The following LINGO2 variants were observed in gnomAD, a reference collection of about 807,000 sequenced individuals.
LINGO2 encodes the protein leucine-rich repeat and immunoglobulin-like domain-containing nogo receptor-interacting protein 2.
A neutral mutation model predicts 30.6 loss-of-function variants in LINGO2; 14 were observed. The observed-to-expected ratio is 0.46, with a 90% CI of 0.30 to 0.72. The LOEUF (loss-of-function observed/expected upper bound fraction) is 0.72. Ranked by LOEUF, LINGO2 falls within the 30% of genes least tolerant of loss-of-function variation. The pLI, the probability that LINGO2 is intolerant of heterozygous loss-of-function variation, is 0.07. For missense variants in LINGO2, 729 were observed against 751.7 expected (o/e 0.97, Z 0.35); for synonymous variants, 317 against 288.5 (o/e 1.10, Z -1.00).
chr9:29,191,895 T>C, the LINGO2 span, among the ~76,000 whole-genome samples: 1 of 152,190 alleles, frequency 6.6e-6, no homozygotes, highest in Non-Finnish European at 1.5e-5. Context: ...CTCTTTTCTG[T>C]GGATTTTTTT....
At chr9:28,754,834 T>C in the LINGO2 span, among the ~76,000 whole-genome samples, 1 of 151,880 alleles carries the variant, frequency 6.6e-6, no homozygotes, top group Non-Finnish European at 1.5e-5. Flanking sequence ...GGTTTCACAG[T>C]GTTAGCCAGG....
chr9:28,419,051 C>A (rs1823083213), intron 2 of LINGO2, among the ~76,000 whole-genome samples: 1 of 152,066 alleles, frequency 6.6e-6, no homozygotes, highest in Admixed American at 6.6e-5. Context: ...GTAAATCCCT[C>A]ATAATTAAAG....
At chr9:28,314,580 C>G (rs1047687824) in intron 3 of LINGO2, among the ~76,000 whole-genome samples, 1 of 152,166 alleles carries the variant, frequency 6.6e-6, no homozygotes, top group Non-Finnish European at 1.5e-5. Flanking sequence ...TTTGCCAGAG[C>G]TAGGCTTTTG....
chr9:28,727,558 G>T, the LINGO2 span, among the ~76,000 whole-genome samples: 1 of 152,146 alleles, frequency 6.6e-6, no homozygotes, highest in Admixed American at 6.5e-5. Context: ...AAAGTGCTGG[G>T]ATTACAGGCG....
At chr9:28,964,567 C>T in the LINGO2 span, among the ~76,000 whole-genome samples, 8 of 151,824 alleles carry the variant, frequency 5.3e-5, no homozygotes, top group South Asian at 1.7e-3. Context: ...GAGAAACCAC[C>T]GACGAGTTAC....
At chr9:28,292,847 T>C (rs1209658430) in intron 4 of LINGO2, among the ~76,000 whole-genome samples, 1 of 152,040 alleles carries the variant, frequency 6.6e-6, no homozygotes, top group Non-Finnish European at 1.5e-5. Context: ...CTCGGTTCAC[T>C]GCAAGCTCTG....
chr9:29,034,525 C>T, the LINGO2 span, among the ~76,000 whole-genome samples: 1 of 152,006 alleles, frequency 6.6e-6, no homozygotes, highest in South Asian at 2.1e-4. Flanking sequence ...ATTTTTGTTG[C>T]TGTTATTGTT....
At chr9:28,644,596 G>A (rs78199926) in intron 1 of LINGO2, among the ~76,000 whole-genome samples, 7,173 of 148,228 alleles carry the variant, frequency 0.048, 338 homozygotes, top group Admixed American at 0.17. Context: ...AAAAAAAAAA[G>A]AAAGAATTAA....
At chr9:28,776,091 C>G in the LINGO2 span, among the ~76,000 whole-genome samples, 2 of 152,030 alleles carry the variant, frequency 1.3e-5, no homozygotes, top group African/African-American at 4.8e-5. Context: ...TTTTGAGGAT[C>G]CTGAAAAAGT....
At chr9:28,105,920 C>A (rs1174094146) in intron 4 of LINGO2, among the ~76,000 whole-genome samples, 1 of 152,032 alleles carries the variant, frequency 6.6e-6, no homozygotes, top group East Asian at 1.9e-4. Context: ...CAGGGGTCCC[C>A]AGTACCCAAG....
At chr9:28,934,280 A>G in the LINGO2 span, among the ~76,000 whole-genome samples, 1 of 152,226 alleles carries the variant, frequency 6.6e-6, no homozygotes, top group Admixed American at 6.5e-5. Flanking sequence ...AGCAAAATAG[A>G]ACTTAAAGGC....
intron 1 of LINGO2, among the ~76,000 whole-genome samples, chr9:28,547,188 C>T (rs927358861): frequency 8.5e-5 from 13 of 152,076 alleles, no homozygotes; most frequent in South Asian, 2.1e-4. Flanking sequence ...TTTGTGAAAT[C>T]GAGTATTCTC....
intron 4 of LINGO2, among the ~76,000 whole-genome samples, chr9:28,209,340 G>A (rs1421064428): frequency 6.6e-6 from 1 of 151,904 alleles, no homozygotes; most frequent in Non-Finnish European, 1.5e-5. Context: ...CTCCATTGGA[G>A]TCATCTGTCA....
intron 4 of LINGO2, among the ~76,000 whole-genome samples, chr9:28,037,346 TA>T (rs1337811413): frequency 6.6e-6 from 1 of 152,348 alleles, no homozygotes; most frequent in East Asian, 1.9e-4. Context: ...TATACTCCAG[TA>T]AGACTAAATT....
chr9:28,489,883 C>A (rs1359517880), intron 1 of LINGO2, among the ~76,000 whole-genome samples: 1 of 101,676 alleles, frequency 9.8e-6, no homozygotes, highest in Non-Finnish European at 1.8e-5. Flanking sequence ...GGAAACAGAG[C>A]AAGACTTTGT....
rs1428602907 is a variant in LINGO2, at chr9:28,148,857, G to C, written c.-86-136452C>G. ...AAAGACCACCTGCCCAGCTCTCCAG[G>C]CTTGCTGATGGTGGGGGAGGACATG... On this transcript the variant is annotated intron_variant, in intron 4 of 5. Transcript: ENST00000379992. This position sits in a 1 kb window ranked among gnomAD's most constrained non-coding sequence, Gnocchi z 5.1. 10 of 1,533,770 alleles carry C rather than the reference G, an allele frequency of 6.5e-6. No individual in the cohort carries two copies. Among genetic ancestry groups the C allele is most frequent in the Non-Finnish European group, 8.7e-6 (10 of 1,146,552 alleles).
chr9:29,039,969 T>A, the LINGO2 span, among the ~76,000 whole-genome samples: 1 of 152,136 alleles, frequency 6.6e-6, no homozygotes, highest in Non-Finnish European at 1.5e-5. Context: ...ATGTCAAGTA[T>A]AAAACAGAAA....
intron 2 of LINGO2, among the ~76,000 whole-genome samples, chr9:28,399,839 C>T (rs950658115): frequency 8.5e-5 from 13 of 152,136 alleles, no homozygotes; most frequent in South Asian, 4.2e-4. Flanking sequence ...ATTCTACATC[C>T]GACATATTTG....
At chr9:28,926,544 G>C in the LINGO2 span, among the ~76,000 whole-genome samples, 3 of 152,202 alleles carry the variant, frequency 2.0e-5, no homozygotes, top group East Asian at 5.8e-4. Flanking sequence ...AAACAGAAAG[G>C]TTTAGAATTC....
Sources: allele counts gnomAD v4.1 joint callset (sites outside exome capture counted in the v4.1 genomes callset), GRCh38; gene constraint gnomAD v4.1.1; non-coding constraint Gnocchi (gnomAD v3.1); transcripts MANE v1.5; gene names NCBI Gene and HGNC (gene_info 2026-07-23, HGNC 2026-07-21).